RAB3GAP1: variants seen among roughly 807,000 people sequenced by gnomAD.
RAB3GAP1 encodes the protein RAB3 GTPase activating protein catalytic subunit 1.
In RAB3GAP1, 86 loss-of-function variants were observed where a neutral mutation model predicts 130.7. That is an observed-to-expected ratio of 0.66 (90% CI 0.55 to 0.79). The LOEUF is 0.79. Among genes scored for constraint, RAB3GAP1 ranks in the 30% least tolerant of loss-of-function variants. The probability of loss-of-function intolerance (pLI) is 0.00; values close to 1 mark genes in which losing one functional copy is unlikely to be tolerated. For synonymous variants in RAB3GAP1, 367 were observed against 401.7 expected, an observed-to-expected ratio of 0.91 and a Z score of 1.03; for missense variants, 1,029 against 1,169.4, an observed-to-expected ratio of 0.88 and a Z score of 1.75.
intron 17 of RAB3GAP1, among the ~76,000 whole-genome samples, chr2:135,147,699 A>G (rs1162873409): frequency 6.7e-6 from 1 of 148,302 alleles, no homozygotes; most frequent in Non-Finnish European, 1.5e-5. Context: ...TGCAGCCTCA[A>G]TCTCCCAGGC....
intron 3 of RAB3GAP1, among the ~76,000 whole-genome samples, chr2:135,059,319 A>G (rs1013738325): frequency 6.6e-6 from 1 of 152,112 alleles, no homozygotes; most frequent in African/African-American, 2.4e-5. Context: ...CACTACTAAG[A>G]AGAGAGCTAA....
intron 11 of RAB3GAP1, 103 bp downstream of exon 11, chr2:135,126,759 A>G: frequency 1.0e-6 from 1 of 1,003,148 alleles, no homozygotes; most frequent in South Asian, 1.3e-5. Context: ...TCTTCAGTTA[A>G]CACCATGTAG....
At chr2:135,091,312 T>A (rs1690135349) in intron 4 of RAB3GAP1, among the ~76,000 whole-genome samples, 182 bp downstream of exon 4, 1 of 152,166 alleles carries the variant, frequency 6.6e-6, no homozygotes, top group African/African-American at 2.4e-5. Flanking sequence ...TTTAATTAAT[T>A]AAATCAGCTC....
intron 23 of RAB3GAP1, among the ~76,000 whole-genome samples, chr2:135,165,759 T>C (rs147602639): frequency 6.6e-6 from 1 of 152,358 alleles, no homozygotes; most frequent in African/African-American, 2.4e-5. Flanking sequence ...GAACCGAGTT[T>C]GGTTCCACAT....
At chr2:135,063,537 T>C (rs1290628451) in intron 3 of RAB3GAP1, among the ~76,000 whole-genome samples, 1 of 152,202 alleles carries the variant, frequency 6.6e-6, no homozygotes, top group Non-Finnish European at 1.5e-5. Flanking sequence ...TTGACCATCC[T>C]AGGTACCTGA....
chr2:135,091,146 A>G lies in RAB3GAP1; in HGVS notation c.283+16A>G. The stretch of plus-strand genomic sequence containing the variant: ...TTATTAGAGGGTAAGTTATTTCTAT[A>G]TAATAATATTAACTTCTGATTTGTA... On this transcript the variant is annotated intron_variant, in intron 4 of 23. Transcript: ENST00000264158. 1 of 1,550,116 alleles carries G rather than the reference A, an allele frequency of 6.5e-7. No individual in the cohort carries two copies. The highest frequency in any genetic ancestry group is 8.9e-7 in the Non-Finnish European group (1 of 1,125,042).
At chr2:135,059,598 A>G (rs1180368559) in intron 3 of RAB3GAP1, among the ~76,000 whole-genome samples, 1 of 152,100 alleles carries the variant, frequency 6.6e-6, no homozygotes, top group Non-Finnish European at 1.5e-5. Flanking sequence ...GTACTTGGGA[A>G]CCCTTAAATA....
Position 135,130,086 on chromosome 2 carries a change from A to C in RAB3GAP1, c.1065A>C (p.Lys355Asn). ...GATCTGCATTTGAGGAAGAAGGCAA[A>C]GGTAACCTACATTTTTTTTTAACAT... ...LGRSAFEEEG[K>N]ETADITHALS... The change falls in exon 12 of 24, where the codon AAA (lysine) becomes AAC (asparagine). Residue 355 changes from lysine to asparagine, a missense_variant and splice_region_variant. Physicochemically the swap from Lys to Asn is moderately conservative, Grantham distance 94. Coordinates refer to ENST00000264158, the MANE Select transcript of RAB3GAP1 (RefSeq NM_012233.3). The C allele has an allele frequency of 6.2e-7, 1 of 1,608,462 alleles. No homozygotes were observed. Among genetic ancestry groups the C allele is most frequent in the South Asian group, 1.1e-5 (1 of 90,800 alleles).
intron 12 of RAB3GAP1, 94 bp from the exon 13 acceptor site, chr2:135,130,458 G>T: frequency 1.9e-6 from 2 of 1,047,676 alleles, no homozygotes; most frequent in South Asian, 1.5e-5. Flanking sequence ...TAAAAAGAAT[G>T]AGTAAAATAT....
Position 135,169,041 on chromosome 2 carries a change from G to A in RAB3GAP1, c.*260G>A. 1.1e-5 allele frequency: 5 copies of A among 439,604 alleles called. No individual in the cohort carries two copies. Among genetic ancestry groups the A allele is most frequent in the South Asian group, 4.1e-5 (2 of 48,614 alleles). 27.2% of individuals were successfully genotyped at this position (439,604 alleles called of 1,614,324 possible). A position where few individuals can be genotyped will look rare whatever the true frequency, so the allele number is the denominator to read the frequency against. On this transcript the variant is annotated 3_prime_UTR_variant, in exon 24 of 24. Coordinates refer to ENST00000264158, the MANE Select transcript of RAB3GAP1 (RefSeq NM_012233.3). ...CTTTGTATATGGGGGGGTGGTGGGG[G>A]GACACAAACACATCAGACACTCCGT...
chr2:135,081,525 T>C (rs1399679734), intron 3 of RAB3GAP1, among the ~76,000 whole-genome samples: 3 of 151,114 alleles, frequency 2.0e-5, no homozygotes, highest in Admixed American at 6.6e-5. Flanking sequence ...TTTTGCTGTC[T>C]TTTGGGATTA....
Position 135,169,027 on chromosome 2 carries a change from G to A in RAB3GAP1, c.*246G>A, listed in dbSNP as rs1357787069. ...GCCCTAGAGATGGCCTTTGTATATG[G>A]GGGGGTGGTGGGGGGACACAAACAC... On this transcript the variant is annotated 3_prime_UTR_variant, in exon 24 of 24. Coordinates refer to ENST00000264158, the MANE Select transcript of RAB3GAP1 (RefSeq NM_012233.3). The A allele has an allele frequency of 5.7e-6, 3 of 530,692 alleles. No individual in the cohort carries two copies. The highest frequency in any genetic ancestry group is 2.0e-5 in the South Asian group (1 of 49,644). The allele number at this position is 530,692 out of a possible 1,614,324, so 32.9% of individuals were successfully genotyped here.
intron 3 of RAB3GAP1, among the ~76,000 whole-genome samples, chr2:135,080,821 GT>G (rs1405686776): frequency 6.6e-6 from 1 of 152,150 alleles, no homozygotes; most frequent in Non-Finnish European, 1.5e-5. Flanking sequence ...AAAGTCAAAA[GT>G]TGCGTACAAA....
At chr2:135,119,971 T>G (rs1461441576) in intron 7 of RAB3GAP1, among the ~76,000 whole-genome samples, 2 of 152,222 alleles carry the variant, frequency 1.3e-5, no homozygotes, top group Non-Finnish European at 2.9e-5. Flanking sequence ...TAAATCTAAG[T>G]TTTCTTTTGT....
intron 5 of RAB3GAP1, among the ~76,000 whole-genome samples, chr2:135,103,936 A>C (rs1347841758): frequency 6.6e-6 from 1 of 152,220 alleles, no homozygotes; most frequent in African/African-American, 2.4e-5. Flanking sequence ...CGTAGATGAC[A>C]GGAAAACTAC....
intron 2 of RAB3GAP1, 119 bp from the exon 3 acceptor site, chr2:135,057,892 G>T: frequency 1.4e-6 from 1 of 731,704 alleles, no homozygotes; most frequent in Non-Finnish European, 2.4e-6. Flanking sequence ...AATACTAAAT[G>T]TACTGAGTCC....
chr2:135,058,684 T>A (rs1484447395), intron 3 of RAB3GAP1: 1 of 152,476 alleles, frequency 6.6e-6, no homozygotes, highest in African/African-American at 2.4e-5. Context: ...AAAGTATTGG[T>A]AGTTTTATTC....
At chr2:135,164,755 G>GGCTGTTTTAGTTCCCACAC in intron 23 of RAB3GAP1, 59 bp downstream of exon 23, 2 of 1,393,354 alleles carry the variant, frequency 1.4e-6, no homozygotes, top group South Asian at 2.4e-5. Context: ...CTTGGGAAGA[G>GGCTGTTTTAGTTCCCACAC]GCTGTTTTAG....
chr2:135,136,610 TA>T, intron 17 of RAB3GAP1: 1 of 721,354 alleles, frequency 1.4e-6, no homozygotes, highest in Non-Finnish European at 2.0e-6. Context: ...CTCAGATGTT[TA>T]AAAAAGAAAA....
Sources: allele counts gnomAD v4.1 joint callset (sites outside exome capture counted in the v4.1 genomes callset), GRCh38; gene constraint gnomAD v4.1.1; transcripts MANE v1.5; gene names NCBI Gene and HGNC (gene_info 2026-07-23, HGNC 2026-07-21).